HNF4G: variants seen among roughly 807,000 people sequenced by gnomAD.
The protein encoded by HNF4G is hepatocyte nuclear factor 4-gamma.
Under a neutral mutation model 50.9 loss-of-function variants are expected in HNF4G, and 21 were observed. That is an observed-to-expected ratio of 0.41 (90% CI 0.29 to 0.59). The LOEUF is 0.59. HNF4G is among the 20% of genes least tolerant of loss of function. HNF4G has a pLI of 0.26. For synonymous variants in HNF4G, 198 were observed against 185.6 expected (o/e 1.07, Z -0.54); for missense variants, 527 against 559.4 (o/e 0.94, Z 0.58).
At position 75,558,995 on chromosome 8, in the gene HNF4G, A is replaced by G; in HGVS notation, c.1081A>G (p.Met361Val). 6.2e-7 allele frequency: 1 copy of G among 1,612,776 alleles called. No homozygotes were observed. The highest frequency in any genetic ancestry group is 8.5e-7 in the Non-Finnish European group (1 of 1,178,754). Residue 361 changes from methionine to valine, a missense_variant, in exon 8 of 10, where the codon ATG becomes GTG. Physicochemically the swap from Met to Val is conservative, Grantham distance 21. Around this residue, in one of 5 missense-constraint regions of HNF4G, gnomAD observed 308 missense variants for 301.5 expected, o/e 1.02. Coordinates refer to ENST00000396423, the MANE Select transcript of HNF4G (RefSeq NM_004133.5). ...AATACAGTTTGTTAAACTTTTTGGG[A>G]TGGTTAAAATTGACAATCTACTTCA... ...EQIQFVKLFG[M>V]VKIDNLLQEM...
intron 2 of HNF4G, among the ~76,000 whole-genome samples, chr8:75,527,663 TA>T (rs1270595763): frequency 6.6e-6 from 1 of 152,216 alleles, no homozygotes; most frequent in East Asian, 1.9e-4. Flanking sequence ...TTCATTATAT[TA>T]CAATCAGAAT....
rs1806153449 is a variant in HNF4G, at chr8:75,525,463, C to T, written c.-23-18348C>T. On this transcript the variant is annotated intron_variant, in intron 2 of 10. Transcript: ENST00000354370. ...AATTACAGGCGTGAGCCACCGCAAC[C>T]GGCCTCCATTGGTTTTTCTAATAAT... Among the ~76,000 whole-genome samples, 6 of 152,272 alleles carry T rather than the reference C, an allele frequency of 3.9e-5. No individual in the cohort carries two copies. The South Asian group carries it at 1.2e-3, about 32-fold the overall frequency.
chr8:75,441,633 C>T (rs751860324), intron 1 of HNF4G, among the ~76,000 whole-genome samples: 12 of 152,000 alleles, frequency 7.9e-5, no homozygotes, highest in Non-Finnish European at 1.5e-4. Flanking sequence ...TTTGTCATAC[C>T]GTGAGTTCAA....
chr8:75,409,168 G>GT (rs1245009410), intron 1 of HNF4G, among the ~76,000 whole-genome samples: 4 of 152,128 alleles, frequency 2.6e-5, no homozygotes, highest in African/African-American at 9.7e-5. Flanking sequence ...GCAAGGAGAG[G>GT]GAGGTGGTGG....
intron 1 of HNF4G, among the ~76,000 whole-genome samples, chr8:75,426,795 A>G (rs1810900665): frequency 6.6e-6 from 1 of 152,194 alleles, no homozygotes; most frequent in Non-Finnish European, 1.5e-5. Context: ...TTGGCTAAGT[A>G]CTATGGAACT....
chr8:75,459,655 A>G (rs985653157), intron 1 of HNF4G, among the ~76,000 whole-genome samples: 2 of 152,148 alleles, frequency 1.3e-5, no homozygotes, highest in Non-Finnish European at 2.9e-5. Flanking sequence ...CCAGGAGCTA[A>G]TCTGTATACA....
chr8:75,564,277 T>C lies in HNF4G; in HGVS notation c.*181T>C. The stretch of plus-strand genomic sequence containing the variant: ...GTTTGTTATTGCTACTATGTAAAAC[T>C]TTCACATGCAACCAATGTATATCTG... On this transcript the variant is annotated 3_prime_UTR_variant, in exon 10 of 10. Coordinates refer to ENST00000396423, the MANE Select transcript of HNF4G (RefSeq NM_004133.5). 1 of 582,736 alleles carries C rather than the reference T, an allele frequency of 1.7e-6. No homozygotes were observed. The highest frequency in any genetic ancestry group is 3.4e-5 in the Admixed American group (1 of 29,774). The allele number at this position is 582,736 out of a possible 1,614,324, so 36.1% of individuals were successfully genotyped here. A position where few individuals can be genotyped will look rare whatever the true frequency, so the allele number is the denominator to read the frequency against.
Position 75,465,514 on chromosome 8 carries a change from C to G in HNF4G, c.-143-24575C>G, listed in dbSNP as rs922908113. 2.0e-5 allele frequency among the ~76,000 whole-genome samples: 3 copies of G among 151,788 alleles called. No homozygotes were observed. The East Asian group carries it at 5.8e-4, about 29-fold the overall frequency. ...ATTAAAATAAACAAATAAATAGAAC[C>G]AATTATATAACCAGAAAGAAGTTTC... On this transcript the variant is annotated intron_variant, in intron 1 of 10. Coordinates refer to the HNF4G transcript ENST00000354370.
chr8:75,455,399 A>T (rs1016440917), intron 1 of HNF4G, among the ~76,000 whole-genome samples: 3 of 152,166 alleles, frequency 2.0e-5, no homozygotes, highest in Admixed American at 1.3e-4. Flanking sequence ...TTAAAAATTA[A>T]TTTCCATAAA....
chr8:75,460,889 G>C (rs2130605288), intron 1 of HNF4G, among the ~76,000 whole-genome samples: 1 of 152,284 alleles, frequency 6.6e-6, no homozygotes, highest in South Asian at 2.1e-4. Flanking sequence ...GAAGAAAACA[G>C]TCTTCACCAC....
intron 5 of HNF4G, 31 bp downstream of exon 5, chr8:75,553,228 A>C (rs755701703): frequency 7.2e-5 from 113 of 1,569,864 alleles, no homozygotes; most frequent in Non-Finnish European, 9.7e-5. Context: ...AAATGCTTTA[A>C]AAATGCTTCT....
chr8:75,540,845 A>ATG (rs1428053562), intron 1 of HNF4G, among the ~76,000 whole-genome samples: 74 of 93,310 alleles, frequency 7.9e-4, no homozygotes, highest in African/African-American at 3.7e-3. Flanking sequence ...ACTTTGGAAA[A>ATG]TGTGTATGTG....
intron 1 of HNF4G, among the ~76,000 whole-genome samples, chr8:75,465,654 A>G (rs1487698459): frequency 6.6e-6 from 1 of 152,250 alleles, no homozygotes; most frequent in East Asian, 1.9e-4. Flanking sequence ...AAAGTATGAA[A>G]TAAAAAACAG....
At chr8:75,517,603 A>T (rs1338146547) in intron 2 of HNF4G, among the ~76,000 whole-genome samples, 1 of 152,144 alleles carries the variant, frequency 6.6e-6, no homozygotes, top group African/African-American at 2.4e-5. Flanking sequence ...CTTTGACTAC[A>T]TGTCTCACAT....
At chr8:75,536,161 T>C (rs897026687), upstream of HNF4G, among the ~76,000 whole-genome samples, 2 of 151,956 alleles carry the variant, frequency 1.3e-5, no homozygotes, top group Non-Finnish European at 2.9e-5. Context: ...AGAGAACAGA[T>C]ACTGGAAAGC....
chr8:75,418,329 T>G (rs1810690908), intron 1 of HNF4G, among the ~76,000 whole-genome samples: 1 of 152,164 alleles, frequency 6.6e-6, no homozygotes, highest in South Asian at 2.1e-4. Flanking sequence ...GTTAAGACTT[T>G]AACATATGAT....
intron 3 of HNF4G, 152 bp from the exon 4 acceptor site, chr8:75,551,236 A>G (rs917043109): frequency 1.9e-6 from 1 of 539,878 alleles, no homozygotes; most frequent in African/African-American, 1.9e-5. Flanking sequence ...GCTATTTTTG[A>G]AAGTAGTGGA....
chr8:75,451,003 A>G (rs1416665672), intron 1 of HNF4G, among the ~76,000 whole-genome samples: 1 of 152,158 alleles, frequency 6.6e-6, no homozygotes, highest in Non-Finnish European at 1.5e-5. Context: ...AGCCTCCAAA[A>G]TTGTGAGAAA....
intron 1 of HNF4G, among the ~76,000 whole-genome samples, chr8:75,448,313 T>G (rs1190467318): frequency 7.3e-6 from 1 of 136,694 alleles, no homozygotes; most frequent in African/African-American, 2.7e-5. Context: ...GGGATATCAT[T>G]GGGAGATATA....
Sources: allele counts gnomAD v4.1 joint callset (sites outside exome capture counted in the v4.1 genomes callset), GRCh38; gene constraint gnomAD v4.1.1; regional missense constraint gnomAD v4.1.1; transcripts MANE v1.5; gene names NCBI Gene and HGNC (gene_info 2026-07-23, HGNC 2026-07-21).